Variants in TRMT11 observed in about 807,000 individuals in gnomAD.
The protein encoded by TRMT11 is tRNA (guanine(10)-N(2))-methyltransferase TRMT11.
TRMT11 carries 53 observed loss-of-function variants against 62.8 expected under a neutral mutation model. The ratio of observed to expected loss-of-function variants is 0.84; its 90% CI spans 0.68 to 1.06. The LOEUF (loss-of-function observed/expected upper bound fraction) is 1.06. Ranked by LOEUF, TRMT11 falls within the 50% of genes least tolerant of loss-of-function variation. The pLI, the probability that TRMT11 is intolerant of heterozygous loss-of-function variation, is 0.00. For synonymous variants in TRMT11, 188 were observed against 190.3 expected (o/e 0.99, Z 0.10); for missense variants, 556 against 553.4 (o/e 1.00, Z -0.05).
rs1053172025 is a variant in TRMT11, at chr6:126,048,242, A to G, written c.*1370-4881A>G. 5.5e-4 allele frequency among the ~76,000 whole-genome samples: 83 copies of G among 152,204 alleles called. 1 individual carries two copies. The highest frequency in any genetic ancestry group is 4.6e-3 in the Admixed American group (71 of 15,286). On this transcript the variant is annotated intron_variant and NMD_transcript_variant, in intron 16 of 22. Coordinates refer to the TRMT11 transcript ENST00000648977. ...ACCAGTGCCATTTCAATGGACTGCA[A>G]TGGCTGTTCAACCTCAGTGCCAGGT...
At chr6:126,232,668 C>G in the TRMT11 span, among the ~76,000 whole-genome samples, 74 of 152,142 alleles carry the variant, frequency 4.9e-4, no homozygotes, top group African/African-American at 1.7e-3. Context: ...GAAAATATTT[C>G]TCACTTAGAT....
intron 17 of TRMT11, among the ~76,000 whole-genome samples, chr6:126,075,023 C>A (rs1046142699): frequency 5.3e-5 from 8 of 151,766 alleles, no homozygotes; most frequent in Non-Finnish European, 8.8e-5. Flanking sequence ...CTCATAAGAC[C>A]TCAAAAAATC....
chr6:126,198,283 T>C (rs575457311), intron 1 of TRMT11, among the ~76,000 whole-genome samples: 13 of 152,216 alleles, frequency 8.5e-5, no homozygotes, highest in Admixed American at 5.2e-4. Context: ...GAGGAAACCA[T>C]TGTAGGGAAA....
At chr6:126,097,116 C>T (rs1292248932) in intron 17 of TRMT11, among the ~76,000 whole-genome samples, 1 of 152,114 alleles carries the variant, frequency 6.6e-6, no homozygotes, top group Non-Finnish European at 1.5e-5. Context: ...CTATTTTCCC[C>T]CGAAATGTAT....
chr6:126,033,250 A>G (rs1774544259), intron 12 of TRMT11, among the ~76,000 whole-genome samples: 1 of 152,076 alleles, frequency 6.6e-6, no homozygotes, highest in Admixed American at 6.6e-5. Context: ...TTTTTTATAT[A>G]TGTATTCTCA....
chr6:126,042,261 C>G (rs955757941), downstream of TRMT11, among the ~76,000 whole-genome samples: 8 of 152,154 alleles, frequency 5.3e-5, no homozygotes, highest in African/African-American at 1.9e-4. Flanking sequence ...ACCCCTTTCC[C>G]TTAAAAGAGA....
Position 126,093,339 on chromosome 6 carries a change from C to T in TRMT11, c.*1438-19527C>T, listed in dbSNP as rs1226285674. Reference sequence around the variant, plus strand: ...ACTATTGGCTCTTCCTGTGGCACTACAAGATTTCTTTCCTCATTTCATACT... The same window carrying T: ...ACTATTGGCTCTTCCTGTGGCACTATAAGATTTCTTTCCTCATTTCATACT... On this transcript the variant is annotated intron_variant and NMD_transcript_variant, in intron 17 of 22. Transcript: ENST00000648977. Among the ~76,000 whole-genome samples, 7 of 151,618 alleles carry T rather than the reference C, an allele frequency of 4.6e-5. No homozygotes were observed. In the East Asian group the frequency reaches 1.4e-3, roughly 29 times the overall value.
rs148644114 is a variant in TRMT11 at position 126,171,607 on chromosome 6, A to C, written c.*1824-3218A>C. ...TCTTAGTGTGAGAACTGGGGAGGGA[A>C]TAGTCATAAAACAATTTGTCACAAG... On this transcript the variant is annotated intron_variant and NMD_transcript_variant, in intron 21 of 22. Transcript: ENST00000648977. Among the ~76,000 whole-genome samples, 395 of 152,264 alleles carry C rather than the reference A, an allele frequency of 2.6e-3. 2 individuals are homozygous for C. The highest frequency in any genetic ancestry group is 9.0e-3 in the African/African-American group (373 of 41,532).
chr6:126,122,656 C>G (rs1777663698), intron 21 of TRMT11, among the ~76,000 whole-genome samples: 1 of 152,112 alleles, frequency 6.6e-6, no homozygotes, highest in Admixed American at 6.6e-5. Context: ...ATTCTCTTAG[C>G]TTTAGATCTT....
chr6:126,111,222 A>G (rs551334403), intron 17 of TRMT11, among the ~76,000 whole-genome samples: 1 of 152,130 alleles, frequency 6.6e-6, no homozygotes, highest in South Asian at 2.1e-4. Flanking sequence ...TCTGTAGGCA[A>G]ATTTTCAGGT....
chr6:126,082,394 G>A (rs1276605662), intron 17 of TRMT11, among the ~76,000 whole-genome samples: 1 of 151,716 alleles, frequency 6.6e-6, no homozygotes, highest in Non-Finnish European at 1.5e-5. Context: ...AATATCAATT[G>A]TGCACTATAA....
At chr6:126,068,577 C>T (rs907652815) in intron 17 of TRMT11, among the ~76,000 whole-genome samples, 2 of 152,170 alleles carry the variant, frequency 1.3e-5, no homozygotes, top group African/African-American at 4.8e-5. Flanking sequence ...GGCTTTGTTT[C>T]TTATTCCATC....
At chr6:126,145,415 G>T (rs577338274) in intron 21 of TRMT11, among the ~76,000 whole-genome samples, 1 of 152,218 alleles carries the variant, frequency 6.6e-6, no homozygotes, top group South Asian at 2.1e-4. Flanking sequence ...CGCTGGACTA[G>T]CAGGTTGGGA....
chr6:126,162,571 T>A (rs775180677), intron 21 of TRMT11, among the ~76,000 whole-genome samples: 1 of 152,244 alleles, frequency 6.6e-6, no homozygotes, highest in Non-Finnish European at 1.5e-5. Flanking sequence ...ATATAAAATT[T>A]AAAGAAGTTT....
chr6:126,233,583 T>G, the TRMT11 span, among the ~76,000 whole-genome samples: 2 of 152,314 alleles, frequency 1.3e-5, no homozygotes, highest in African/African-American at 4.8e-5. Context: ...TAGATGGCTC[T>G]GTGCCTAGCT....
intron 7 of TRMT11, among the ~76,000 whole-genome samples, chr6:126,004,578 G>A (rs961858230): frequency 3.3e-5 from 5 of 151,964 alleles, no homozygotes; most frequent in African/African-American, 9.7e-5. Context: ...GGTACCTTCT[G>A]AAGGACTGGA....
chr6:126,038,929 C>A lies in TRMT11; in HGVS notation c.*93C>A. ...TCATGTATGATCCAGAAAATAGGTA[C>A]GGTTTTAAAATATTTTATATAGAAA... On this transcript the variant is annotated 3_prime_UTR_variant, in exon 13 of 13. Coordinates refer to ENST00000334379, the MANE Select transcript of TRMT11 (RefSeq NM_001031712.3). 9.6e-7 allele frequency: 1 copy of A among 1,037,656 alleles called. No homozygotes were observed. Among genetic ancestry groups the A allele is most frequent in the Non-Finnish European group, 1.4e-6 (1 of 734,800 alleles). The allele number at this position is 1,037,656 out of a possible 1,614,324, so 64.3% of individuals were successfully genotyped here.
At chr6:126,184,134 A>G (rs1778500067) in intron 1 of TRMT11, among the ~76,000 whole-genome samples, 2 of 152,166 alleles carry the variant, frequency 1.3e-5, no homozygotes, top group Non-Finnish European at 2.9e-5. Context: ...GTAATATGAG[A>G]CTCAGAACTG....
intron 21 of TRMT11, among the ~76,000 whole-genome samples, chr6:126,150,781 C>T (rs1778029836): frequency 6.6e-6 from 1 of 152,220 alleles, no homozygotes; most frequent in African/African-American, 2.4e-5. Flanking sequence ...CCTTTTCTGA[C>T]TAACATGTGA....
Sources: allele counts gnomAD v4.1 joint callset (sites outside exome capture counted in the v4.1 genomes callset), GRCh38; gene constraint gnomAD v4.1.1; transcripts MANE v1.5; gene names NCBI Gene and HGNC (gene_info 2026-07-23, HGNC 2026-07-21).